Variants in PRKCH observed in about 807,000 individuals in gnomAD.
PRKCH encodes the protein protein kinase C eta type.
A neutral mutation model predicts 82.5 loss-of-function variants in PRKCH; 28 were observed. The ratio of observed to expected loss-of-function variants is 0.34; its 90% CI spans 0.25 to 0.47. The LOEUF (loss-of-function observed/expected upper bound fraction) is 0.47. Among genes scored for constraint, PRKCH ranks in the 20% least tolerant of loss-of-function variants. The pLI, the probability that PRKCH is intolerant of heterozygous loss-of-function variation, is 1.00. For missense variants in PRKCH, 705 were observed against 881.8 expected (o/e 0.80, Z 2.54); for synonymous variants, 322 against 327.4 (o/e 0.98, Z 0.18).
intron 1 of PRKCH, among the ~76,000 whole-genome samples, chr14:61,238,827 C>G (rs1387068195): frequency 3.3e-5 from 5 of 152,178 alleles, no homozygotes; most frequent in Non-Finnish European, 7.3e-5. Context: ...GCTGTGACAA[C>G]AAACTGGGTA....
intron 1 of PRKCH, among the ~76,000 whole-genome samples, chr14:61,364,511 G>A (rs563533909): frequency 6.6e-6 from 1 of 151,962 alleles, no homozygotes; most frequent in Admixed American, 6.6e-5. Context: ...GTGTGAGGAC[G>A]TGTGTATGTG....
rs140175732 is a variant in PRKCH, at chr14:61,452,335, T to A, written c.833-891T>A. 2.1e-3 allele frequency among the ~76,000 whole-genome samples: 322 copies of A among 152,274 alleles called. 2 individuals carry two copies. Among genetic ancestry groups the A allele is most frequent in the African/African-American group, 7.6e-3 (315 of 41,558 alleles). On this transcript the variant is annotated intron_variant, in intron 6 of 13. Transcript: ENST00000332981. ...GTTCTTTTTCTTAAAGAAGGCCTCC[T>A]AAATTATGTAAATTCAGGCCCCACA...
At chr14:61,269,396 C>T (rs1046852229) in intron 1 of PRKCH, among the ~76,000 whole-genome samples, 12 of 152,048 alleles carry the variant, frequency 7.9e-5, no homozygotes, top group Non-Finnish European at 1.6e-4. Context: ...CAGGGGTACA[C>T]GTGCAGGTTT....
intron 1 of PRKCH, among the ~76,000 whole-genome samples, chr14:61,380,363 A>G (rs2046486997): frequency 6.6e-6 from 1 of 152,010 alleles, no homozygotes; most frequent in Non-Finnish European, 1.5e-5. Context: ...AAGTGTTGGG[A>G]TTTCAGGTGT....
intron 12 of PRKCH, chr14:61,543,366 T>C (rs1034878607): frequency 6.6e-6 from 1 of 152,220 alleles, no homozygotes; most frequent in Admixed American, 6.5e-5. Context: ...TCCACTGTAA[T>C]GAGGGCCACA....
chr14:61,233,934 A>G (rs2044765995), intron 1 of PRKCH, among the ~76,000 whole-genome samples: 1 of 152,132 alleles, frequency 6.6e-6, no homozygotes, highest in Non-Finnish European at 1.5e-5. Flanking sequence ...CCATTTATTT[A>G]TTCTTTTACC....
At chr14:61,474,085 T>C (rs953807910) in intron 9 of PRKCH, among the ~76,000 whole-genome samples, 1 of 151,788 alleles carries the variant, frequency 6.6e-6, no homozygotes, top group Non-Finnish European at 1.5e-5. Context: ...AGGGTTAAGG[T>C]TGAGTGGAAA....
intron 2 of PRKCH, among the ~76,000 whole-genome samples, chr14:61,414,626 G>A (rs1882459081): frequency 7.9e-6 from 1 of 126,526 alleles, no homozygotes; most frequent in Non-Finnish European, 1.6e-5. Context: ...TCACTCTGTT[G>A]CCCAGGCTGC....
intron 1 of PRKCH, among the ~76,000 whole-genome samples, chr14:61,297,201 T>C (rs1238962352): frequency 1.3e-5 from 2 of 152,226 alleles, no homozygotes; most frequent in East Asian, 3.8e-4. Context: ...TTAGTTAATA[T>C]TTTCATGCTA....
At chr14:61,535,224 A>G (rs1406611692) in intron 12 of PRKCH, among the ~76,000 whole-genome samples, 1 of 152,260 alleles carries the variant, frequency 6.6e-6, no homozygotes, top group African/African-American at 2.4e-5. Flanking sequence ...GCGAGGTGCC[A>G]GGAATTCAGT....
At chr14:61,426,475 G>A (rs914004556) in intron 2 of PRKCH, among the ~76,000 whole-genome samples, 1 of 152,194 alleles carries the variant, frequency 6.6e-6, no homozygotes, top group Non-Finnish European at 1.5e-5. Flanking sequence ...TCTTTCACAA[G>A]TATGGACAAA....
At chr14:61,405,118 A>G (rs934298950) in intron 2 of PRKCH, among the ~76,000 whole-genome samples, 2 of 152,216 alleles carry the variant, frequency 1.3e-5, no homozygotes, top group African/African-American at 2.4e-5. Flanking sequence ...TTCCAAATTC[A>G]TGATAACAAC....
At chr14:61,260,538 C>T (rs994194980) in intron 1 of PRKCH, among the ~76,000 whole-genome samples, 6 of 152,308 alleles carry the variant, frequency 3.9e-5, no homozygotes, top group Non-Finnish European at 8.8e-5. Flanking sequence ...AACATATGCA[C>T]ACCTGTGAAT....
intron 1 of PRKCH, among the ~76,000 whole-genome samples, chr14:61,216,741 G>A (rs528055180): frequency 3.7e-4 from 57 of 152,308 alleles, no homozygotes; most frequent in Non-Finnish European, 6.9e-4. Context: ...GTTTTGACTC[G>A]GCTCGAACAT....
chr14:61,435,182 G>A (rs760888377), intron 2 of PRKCH, among the ~76,000 whole-genome samples: 7 of 152,250 alleles, frequency 4.6e-5, no homozygotes, highest in Admixed American at 1.3e-4. Context: ...TCAGTAATAC[G>A]CTTATCGTTG....
Position 61,443,138 on chromosome 14 carries a change from A to G in PRKCH, c.455A>G (p.Lys152Arg), listed in dbSNP as rs1285632446. The G allele has an allele frequency of 2.5e-6, 4 of 1,614,056 alleles. No individual in the cohort carries two copies. Among genetic ancestry groups the G allele is most frequent in the Non-Finnish European group, 2.5e-6 (3 of 1,179,912 alleles). The change falls in exon 3 of 14, where the codon AAA becomes AGA. Residue 152 changes from lysine to arginine, a missense_variant. Coordinates refer to ENST00000332981, the MANE Select transcript of PRKCH (RefSeq NM_006255.5). ...ACTCTCCAGAGAGACCGGATCTTCA[A>G]ACATTTTACCAGGAAGCGCCAAAGG... ...EATLQRDRIF[K>R]HFTRKRQRAM... is the part of the protein sequence containing the mutation.
chr14:61,447,550 A>G (rs955204299), intron 4 of PRKCH, among the ~76,000 whole-genome samples: 1 of 152,236 alleles, frequency 6.6e-6, no homozygotes, highest in Non-Finnish European at 1.5e-5. Context: ...GCCATAAAAC[A>G]TACCTTACCA....
intron 10 of PRKCH, among the ~76,000 whole-genome samples, chr14:61,511,747 C>T (rs995048701): frequency 6.6e-6 from 1 of 152,204 alleles, no homozygotes; most frequent in African/African-American, 2.4e-5. Flanking sequence ...CTTGTGACCT[C>T]CTTTGCATCA....
Position 61,232,280 on chromosome 14 carries a change from C to T in PRKCH, c.-19+44612C>T, listed in dbSNP as rs146795631. On this transcript the variant is annotated intron_variant, in intron 1 of 3. Transcript: ENST00000555185. ...TTGCCCTGTTGCCCAGGCTGGAATG[C>T]AGTAGAATGATCTCGGCTCACTGCA... Among the ~76,000 whole-genome samples, 860 of 152,344 alleles carry T rather than the reference C, an allele frequency of 5.6e-3. 11 individuals carry two copies. The highest frequency in any genetic ancestry group is 0.02 in the African/African-American group (823 of 41,578).
Sources: gnomAD v4.1 joint callset for allele counts (sites outside exome capture counted in the v4.1 genomes callset) on GRCh38, gnomAD v4.1.1 for gene constraint, MANE v1.5 for transcripts, NCBI Gene and HGNC (gene_info 2026-07-23, HGNC 2026-07-21) for gene names.